IQCM: variants seen among roughly 807,000 people sequenced by gnomAD.
IQCM encodes the protein IQ motif containing M, also known as IQ domain-containing protein M.
Under a neutral mutation model 57.6 loss-of-function variants are expected in IQCM, and 45 were observed. That is an observed-to-expected ratio of 0.78 (90% CI 0.62 to 1.00). The LOEUF (loss-of-function observed/expected upper bound fraction) is 1.00. Among genes scored for constraint, IQCM ranks in the 50% least tolerant of loss-of-function variants. The pLI is 0.00. For missense variants in IQCM, 468 were observed against 511.6 expected (o/e 0.91, Z 0.82); for synonymous variants, 148 against 158.9 (o/e 0.93, Z 0.51).
rs181259658 is a variant in IQCM, at chr4:149,770,888, T to A, written c.-48-28149A>T. ...GTCAGGAACGACACAAAGATGTCTATTCTCAATACCTCTTCTATAGTATTG... is the reference window on the plus strand; with the variant it reads ...GTCAGGAACGACACAAAGATGTCTAATCTCAATACCTCTTCTATAGTATTG... On this transcript the variant is annotated intron_variant, in intron 2 of 13. Transcript: ENST00000636793. 3.3e-5 allele frequency among the ~76,000 whole-genome samples: 5 copies of A among 152,136 alleles called. No individual in the cohort carries two copies. The East Asian group carries it at 9.6e-4, about 29-fold the overall frequency.
chr4:149,557,107 G>A (rs551579605), intron 10 of IQCM, among the ~76,000 whole-genome samples: 1 of 152,176 alleles, frequency 6.6e-6, no homozygotes, highest in East Asian at 1.9e-4. Context: ...CTCTCTATAG[G>A]CCGTGGTTCT....
intron 3 of IQCM, among the ~76,000 whole-genome samples, chr4:149,740,123 A>G (rs1033538569): frequency 1.3e-5 from 2 of 152,226 alleles, no homozygotes; most frequent in African/African-American, 2.4e-5. Flanking sequence ...GAGGGTTTAC[A>G]TCCTTCCCAT....
At chr4:149,456,398 T>C (rs1413140778) in intron 12 of IQCM, among the ~76,000 whole-genome samples, 1 of 152,124 alleles carries the variant, frequency 6.6e-6, no homozygotes, top group Non-Finnish European at 1.5e-5. Context: ...AATATTTGCA[T>C]ATACAAAATG....
intron 2 of IQCM, among the ~76,000 whole-genome samples, chr4:149,811,572 C>T (rs1329977090): frequency 6.6e-6 from 1 of 152,102 alleles, no homozygotes; most frequent in Non-Finnish European, 1.5e-5. Context: ...TTTGGCATTT[C>T]CCTGCTTCTC....
chr4:149,535,890 A>G (rs549799578), intron 12 of IQCM, among the ~76,000 whole-genome samples: 1 of 152,178 alleles, frequency 6.6e-6, no homozygotes, highest in East Asian at 1.9e-4. Context: ...AGGCTTTAAT[A>G]GGCTTTACAC....
intron 13 of IQCM, among the ~76,000 whole-genome samples, chr4:149,420,370 T>C (rs983574087): frequency 2.0e-5 from 3 of 151,968 alleles, no homozygotes; most frequent in African/African-American, 7.2e-5. Context: ...AGCAAACTAA[T>C]GCAGGAACAG....
chr4:149,539,445 CTTTAAA>C (rs984612014), intron 12 of IQCM, among the ~76,000 whole-genome samples: 1 of 152,102 alleles, frequency 6.6e-6, no homozygotes, highest in Non-Finnish European at 1.5e-5. Flanking sequence ...TTATGAAAAT[CTTTAAA>C]TTTAATCTAA....
chr4:149,462,957 T>C (rs551499992), intron 12 of IQCM, among the ~76,000 whole-genome samples: 9 of 152,320 alleles, frequency 5.9e-5, no homozygotes, highest in South Asian at 2.1e-4. Flanking sequence ...TAAATAAAAG[T>C]TCTCTGTCCC....
At chr4:149,750,740 A>T (rs1768357936) in intron 2 of IQCM, among the ~76,000 whole-genome samples, 2 of 152,206 alleles carry the variant, frequency 1.3e-5, no homozygotes, top group Non-Finnish European at 1.5e-5. Context: ...AAGAGAGAAA[A>T]TTTATAAAGC....
chr4:149,685,574 C>T (rs1260067011), intron 6 of IQCM, among the ~76,000 whole-genome samples: 1 of 151,426 alleles, frequency 6.6e-6, no homozygotes, highest in Non-Finnish European at 1.5e-5. Context: ...ACAACTTAAA[C>T]GTTGGAAGAC....
chr4:149,461,098 G>C (rs1342197741), intron 12 of IQCM, among the ~76,000 whole-genome samples: 1 of 152,034 alleles, frequency 6.6e-6, no homozygotes, highest in Non-Finnish European at 1.5e-5. Context: ...GGCGGGTGTG[G>C]TGGCACACGC....
At chr4:149,472,072 G>A (rs1739625124) in intron 12 of IQCM, among the ~76,000 whole-genome samples, 1 of 152,168 alleles carries the variant, frequency 6.6e-6, no homozygotes, top group Admixed American at 6.5e-5. Context: ...AGACAGGGAT[G>A]CCCTCTCTCA....
chr4:149,529,866 A>G (rs1268056191), intron 12 of IQCM, among the ~76,000 whole-genome samples: 1 of 152,190 alleles, frequency 6.6e-6, no homozygotes, highest in Non-Finnish European at 1.5e-5. Context: ...TGAAGTCTCC[A>G]TCATATTTAC....
At chr4:149,476,951 T>C (rs1350908032) in intron 12 of IQCM, among the ~76,000 whole-genome samples, 1 of 152,128 alleles carries the variant, frequency 6.6e-6, no homozygotes, top group Non-Finnish European at 1.5e-5. Context: ...GAAATCACAT[T>C]GAAAAGAGCC....
intron 12 of IQCM, among the ~76,000 whole-genome samples, chr4:149,504,202 G>T (rs1251892447): frequency 6.6e-6 from 1 of 152,096 alleles, no homozygotes; most frequent in Non-Finnish European, 1.5e-5. Flanking sequence ...ATATAGTAAT[G>T]TTATAGTCTT....
intron 8 of IQCM, among the ~76,000 whole-genome samples, chr4:149,589,265 G>A (rs1752909261): frequency 6.6e-6 from 1 of 151,944 alleles, no homozygotes; most frequent in African/African-American, 2.4e-5. Context: ...TCTCCCTCAG[G>A]CGCTCTAAGA....
chr4:149,594,600 T>A (rs903652854), intron 8 of IQCM, among the ~76,000 whole-genome samples: 8 of 152,228 alleles, frequency 5.3e-5, no homozygotes, highest in African/African-American at 1.7e-4. Flanking sequence ...TTTAGTGCTA[T>A]AAATTTCCCT....
chr4:149,645,626 C>A (rs921462911), intron 7 of IQCM, among the ~76,000 whole-genome samples: 1 of 152,100 alleles, frequency 6.6e-6, no homozygotes, highest in Admixed American at 6.6e-5. Context: ...ATTTCTCTAT[C>A]GTGTATTGAA....
intron 5 of IQCM, 125 bp downstream of exon 5, chr4:149,733,119 C>A (rs1263686095): frequency 2.2e-6 from 2 of 891,332 alleles, no homozygotes; most frequent in East Asian, 3.3e-5. Flanking sequence ...GCCTCCCTAC[C>A]TTTCATTGTT....
Sources: gnomAD v4.1 joint callset for allele counts (sites outside exome capture counted in the v4.1 genomes callset) on GRCh38, gnomAD v4.1.1 for gene constraint, MANE v1.5 for transcripts, NCBI Gene and HGNC (gene_info 2026-07-23, HGNC 2026-07-21) for gene names.